Variants in ANGPT1 observed in about 807,000 individuals in gnomAD.
The protein encoded by ANGPT1 is angiopoietin-1.
ANGPT1 carries 17 observed loss-of-function variants against 62.2 expected under a neutral mutation model. The observed-to-expected ratio is 0.27, with a 90% CI of 0.19 to 0.41. The LOEUF is 0.41. Ranked by LOEUF, ANGPT1 falls within the 10% of genes least tolerant of loss-of-function variation. The probability of loss-of-function intolerance (pLI) is 1.00; values close to 1 mark genes in which losing one functional copy is unlikely to be tolerated. For missense variants in ANGPT1, 478 were observed against 594.9 expected, an observed-to-expected ratio of 0.80 and a Z score of 2.04; for synonymous variants, 199 against 198.9, an observed-to-expected ratio of 1.00 and a Z score of 0.00.
intron 1 of ANGPT1, among the ~76,000 whole-genome samples, chr8:107,430,861 A>G (rs748492052): frequency 3.9e-5 from 6 of 152,340 alleles, no homozygotes; most frequent in Admixed American, 1.3e-4. Context: ...AAACAGCAAT[A>G]CAGTCTGTTA....
At chr8:107,467,650 T>C (rs940041990) in intron 1 of ANGPT1, among the ~76,000 whole-genome samples, 1 of 152,036 alleles carries the variant, frequency 6.6e-6, no homozygotes, top group Non-Finnish European at 1.5e-5. Flanking sequence ...GAACACGTGA[T>C]CTGTGTTCAG....
At chr8:107,383,602 C>T (rs1816679779) in intron 1 of ANGPT1, among the ~76,000 whole-genome samples, 1 of 152,160 alleles carries the variant, frequency 6.6e-6, no homozygotes, top group South Asian at 2.1e-4. Flanking sequence ...CTTACCGACA[C>T]ACAACACCTT....
rs1409620238 is a variant in ANGPT1 at position 107,497,699 on chromosome 8, C to T, written c.-141G>A. The T allele has an allele frequency of 2.2e-6, 2 of 903,342 alleles. No homozygotes were observed. The highest frequency in any genetic ancestry group is 3.2e-6 in the Non-Finnish European group (2 of 620,724). The allele number at this position is 903,342 out of a possible 1,614,324, so 56.0% of individuals were successfully genotyped here. A position where few individuals can be genotyped will look rare whatever the true frequency, so the allele number is the denominator to read the frequency against. On this transcript the variant is annotated 5_prime_UTR_variant, in exon 1 of 9. It removes an upstream start codon present in the reference 5' UTR. Coordinates refer to ENST00000517746, the MANE Select transcript of ANGPT1 (RefSeq NM_001146.5). The stretch of plus-strand genomic sequence containing the variant: ...TCAAAGAAAGCGTTTGAAGAAGAAT[C>T]ATAGAAAACTAGCCATTTGTTAGCT...
intron 5 of ANGPT1, chr8:107,295,251 T>C (rs764832996): frequency 6.6e-6 from 1 of 152,248 alleles, no homozygotes; most frequent in South Asian, 2.1e-4. Flanking sequence ...ACATACAGTA[T>C]GTCTTCATTA....
intron 1 of ANGPT1, among the ~76,000 whole-genome samples, chr8:107,385,061 C>T (rs1317286255): frequency 6.6e-6 from 1 of 152,020 alleles, no homozygotes; most frequent in Non-Finnish European, 1.5e-5. Context: ...AAATCACCAG[C>T]TTTGTTATTT....
At chr8:107,418,693 G>A (rs1458223208) in intron 1 of ANGPT1, among the ~76,000 whole-genome samples, 1 of 152,162 alleles carries the variant, frequency 6.6e-6, no homozygotes, top group Non-Finnish European at 1.5e-5. Flanking sequence ...AAATGACAAA[G>A]GAGTAAAAGG....
chr8:107,378,636 T>C (rs13260972), intron 1 of ANGPT1, among the ~76,000 whole-genome samples: 112,281 of 151,900 alleles, frequency 0.74, 42,476 homozygotes, highest in East Asian at 0.87. Context: ...TGGGAGGTGA[T>C]TGGATCATGG....
intron 1 of ANGPT1, among the ~76,000 whole-genome samples, chr8:107,393,151 G>A (rs1413584680): frequency 1.3e-5 from 2 of 152,022 alleles, no homozygotes; most frequent in African/African-American, 4.8e-5. Context: ...TTTCCCATCA[G>A]TGCATGCTAA....
chr8:107,392,519 A>C (rs1816854871), intron 1 of ANGPT1, among the ~76,000 whole-genome samples: 1 of 152,112 alleles, frequency 6.6e-6, no homozygotes, highest in Non-Finnish European at 1.5e-5. Flanking sequence ...CATTTGATTA[A>C]TTTTTCTCAT....
chr8:107,356,804 A>G (rs1253693017), intron 1 of ANGPT1, among the ~76,000 whole-genome samples: 3 of 152,228 alleles, frequency 2.0e-5, no homozygotes, highest in Non-Finnish European at 4.4e-5. Flanking sequence ...CATTAATGCC[A>G]TACCACACAC....
At chr8:107,336,065 A>T in intron 3 of ANGPT1, 85 bp downstream of exon 3, 1 of 1,340,682 alleles carries the variant, frequency 7.5e-7, no homozygotes, top group East Asian at 2.7e-5. Flanking sequence ...AACCACCTCA[A>T]CCTTATTTGT....
rs1158120942 is a variant in ANGPT1, at chr8:107,370,380, G to GAAAA, written c.298-23284_298-23283insTTTT. Among the ~76,000 whole-genome samples, 283 of 52,996 alleles carry GAAAA rather than the reference G, an allele frequency of 5.3e-3. 46 individuals are homozygous for GAAAA. The highest frequency in any genetic ancestry group is 0.012 in the Admixed American group (49 of 4,144). 34.8% of individuals were successfully genotyped at this position (52,996 alleles called of 152,430 possible). On this transcript the variant is annotated intron_variant, in intron 1 of 8. Coordinates refer to ENST00000517746, the MANE Select transcript of ANGPT1 (RefSeq NM_001146.5). ...AGAAAGAAAGAAAGAAAGAAAGAAA[G>GAAAA]AAAGAAAGAAAGAAAGAAAGAAAGA...
At chr8:107,301,833 A>G (rs1020426753) in intron 5 of ANGPT1, among the ~76,000 whole-genome samples, 4 of 151,960 alleles carry the variant, frequency 2.6e-5, no homozygotes, top group Admixed American at 1.3e-4. Context: ...ACAACTATTC[A>G]TTACGGAAAT....
chr8:107,344,674 G>C (rs1815766139), intron 2 of ANGPT1, among the ~76,000 whole-genome samples: 1 of 152,118 alleles, frequency 6.6e-6, no homozygotes, highest in Admixed American at 6.5e-5. Flanking sequence ...AAATATATTG[G>C]AAAGACATTG....
chr8:107,365,128 TTTTA>T (rs1415834230), intron 1 of ANGPT1, among the ~76,000 whole-genome samples: 1 of 152,204 alleles, frequency 6.6e-6, no homozygotes, highest in Non-Finnish European at 1.5e-5. Flanking sequence ...CATTTAAGGT[TTTTA>T]TTAAAACTTC....
At chr8:107,325,721 TA>T (rs1815270732) in intron 3 of ANGPT1, among the ~76,000 whole-genome samples, 1 of 152,190 alleles carries the variant, frequency 6.6e-6, no homozygotes, top group Non-Finnish European at 1.5e-5. Flanking sequence ...ATGCAGAAGC[TA>T]AAAGAAACTT....
At chr8:107,391,617 A>C (rs1427781543) in intron 1 of ANGPT1, among the ~76,000 whole-genome samples, 1 of 152,170 alleles carries the variant, frequency 6.6e-6, no homozygotes, top group Non-Finnish European at 1.5e-5. Context: ...GAGTGACCTG[A>C]GATCATGCCA....
intron 1 of ANGPT1, among the ~76,000 whole-genome samples, chr8:107,393,502 T>A (rs2130309190): frequency 6.6e-6 from 1 of 152,292 alleles, no homozygotes; most frequent in African/African-American, 2.4e-5. Context: ...TGAAATATGA[T>A]CTTTTTAAAA....
At chr8:107,300,109 C>A (rs1563557566) in intron 5 of ANGPT1, among the ~76,000 whole-genome samples, 1 of 140,084 alleles carries the variant, frequency 7.1e-6, no homozygotes. Flanking sequence ...CTCTATATAT[C>A]TATATATAGT....
Sources: allele counts gnomAD v4.1 joint callset (sites outside exome capture counted in the v4.1 genomes callset), GRCh38; gene constraint gnomAD v4.1.1; transcripts MANE v1.5; gene names NCBI Gene and HGNC (gene_info 2026-07-23, HGNC 2026-07-21).